The following ADRA1D variants were observed in gnomAD, a reference collection of about 807,000 sequenced individuals.
The protein encoded by ADRA1D is adrenoceptor alpha 1D, also known as alpha-1D adrenergic receptor.
Under a neutral mutation model 18.6 loss-of-function variants are expected in ADRA1D, and 22 were observed. That is an observed-to-expected ratio of 1.19 (90% CI 0.85 to 1.69). The LOEUF is 1.69. Ranked by LOEUF, ADRA1D falls within the 40% of genes most tolerant of loss-of-function variation. The pLI is 0.00. For synonymous variants in ADRA1D, 376 were observed against 388.2 expected, an observed-to-expected ratio of 0.97 and a Z score of 0.37; for missense variants, 840 against 840.7, an observed-to-expected ratio of 1.00 and a Z score of 0.01.
chr20:4,234,641 C>T (rs141056503), intron 1 of ADRA1D, among the ~76,000 whole-genome samples: 22 of 152,290 alleles, frequency 1.4e-4, no homozygotes, highest in African/African-American at 3.1e-4. Context: ...CAGCTGCTCA[C>T]GCAACGGCCC....
chr20:4,220,763 C>T lies in ADRA1D; in HGVS notation c.*760G>A, dbSNP rs1434619936. On this transcript the variant is annotated 3_prime_UTR_variant, in exon 2 of 2. Coordinates refer to ENST00000379453, the MANE Select transcript of ADRA1D (RefSeq NM_000678.4). ...GCACAGCTTGGACAAAATAGAAGTA[C>T]TCTTACCAATAAATATGTCTCAAAA... The T allele has an allele frequency of 6.6e-6, 1 of 152,436 alleles. No individual in the cohort carries two copies. Among genetic ancestry groups the T allele is most frequent in the Non-Finnish European group, 1.5e-5 (1 of 68,024 alleles). The allele number at this position is 152,436 out of a possible 1,614,324, so 9.4% of individuals were successfully genotyped here.
At chr20:4,244,311 G>A (rs917341033) in intron 1 of ADRA1D, among the ~76,000 whole-genome samples, 2 of 152,166 alleles carry the variant, frequency 1.3e-5, no homozygotes, top group Admixed American at 6.5e-5. Flanking sequence ...TCTGGTGCTC[G>A]TCACAGCTAG....
intron 1 of ADRA1D, among the ~76,000 whole-genome samples, chr20:4,236,170 T>C (rs1390825075): frequency 6.6e-6 from 1 of 152,136 alleles, no homozygotes; most frequent in Non-Finnish European, 1.5e-5. Context: ...AGTCGTTGGG[T>C]TCCAATGTCG....
intron 1 of ADRA1D, among the ~76,000 whole-genome samples, chr20:4,237,454 C>A (rs1981118030): frequency 9.6e-6 from 1 of 103,978 alleles, no homozygotes; most frequent in Non-Finnish European, 2.1e-5. Context: ...GAGACTCCAT[C>A]TCTTGAAAAA....
At chr20:4,244,724 A>G (rs986276874) in intron 1 of ADRA1D, among the ~76,000 whole-genome samples, 1 of 152,172 alleles carries the variant, frequency 6.6e-6, no homozygotes, top group Non-Finnish European at 1.5e-5. Flanking sequence ...TCCTTCCTGC[A>G]CAGCCTCCAG....
At chr20:4,230,152 C>A (rs562233563) in intron 1 of ADRA1D, among the ~76,000 whole-genome samples, 51 of 152,354 alleles carry the variant, frequency 3.3e-4, no homozygotes, top group African/African-American at 1.2e-3. Context: ...TATCCCCTAA[C>A]CCTGTGCTCC....
intron 1 of ADRA1D, among the ~76,000 whole-genome samples, chr20:4,237,843 T>TTTA (rs1981131844): frequency 1.3e-5 from 2 of 150,404 alleles, no homozygotes; most frequent in African/African-American, 4.9e-5. Flanking sequence ...TTTGTATTTA[T>TTTA]TTATTTATTT....
At chr20:4,236,555 A>T (rs1370248182) in intron 1 of ADRA1D, among the ~76,000 whole-genome samples, 1 of 152,144 alleles carries the variant, frequency 6.6e-6, no homozygotes, top group African/African-American at 2.4e-5. Flanking sequence ...GGGCAGAAGC[A>T]GAAAGGTGGG....
intron 1 of ADRA1D, among the ~76,000 whole-genome samples, chr20:4,226,450 T>C (rs1980802299): frequency 6.6e-6 from 1 of 152,264 alleles, no homozygotes. Flanking sequence ...GCCAATAAAG[T>C]GTGTTATCAA....
intron 1 of ADRA1D, among the ~76,000 whole-genome samples, chr20:4,232,924 C>T (rs1025552888): frequency 2.6e-5 from 4 of 152,238 alleles, no homozygotes; most frequent in African/African-American, 4.8e-5. Flanking sequence ...TAAGGCCAAG[C>T]TTTGCCTCAA....
rs1434762111 is a variant in ADRA1D, at chr20:4,221,714, G to C, written c.1528C>G (p.Leu510Val). 2.5e-6 allele frequency: 4 copies of C among 1,609,366 alleles called. No homozygotes were observed. Among genetic ancestry groups the C allele is most frequent in the Non-Finnish European group, 3.4e-6 (4 of 1,179,074 alleles). ...LGPFRRPTTQ[L>V]RAKVSSLSHK... ...GACAGGCTGGAGACTTTGGCGCGCA[G>C]CTGGGTCGTGGGTCTCCGGAACGGC... The change falls in exon 2 of 2, where the codon CTG (leucine) becomes GTG (valine). Residue 510 changes from leucine (L) to valine (V), a missense_variant. Physicochemically the swap from Leu to Val is conservative, Grantham distance 32. Coordinates refer to ENST00000379453, the MANE Select transcript of ADRA1D (RefSeq NM_000678.4).
chr20:4,247,683 G>C (rs1385038754), intron 1 of ADRA1D, among the ~76,000 whole-genome samples, 164 bp downstream of exon 1: 1 of 152,198 alleles, frequency 6.6e-6, no homozygotes, highest in Non-Finnish European at 1.5e-5. Context: ...CCGTTCCTTG[G>C]CACTCCACAA....
At position 4,248,044 on chromosome 20, in the gene ADRA1D, C is replaced by A; in HGVS notation, c.914G>T (p.Arg305Leu). 6.5e-7 allele frequency: 1 copy of A among 1,550,104 alleles called. No homozygotes were observed. Among genetic ancestry groups the A allele is most frequent in the Non-Finnish European group, 8.7e-7 (1 of 1,147,550 alleles). Residue 305 changes from arginine (R) to leucine (L), a missense_variant, in exon 1 of 2, where the codon CGC (arginine) becomes CTC (leucine). Coordinates refer to ENST00000379453, the MANE Select transcript of ADRA1D (RefSeq NM_000678.4). ...ERGKASEVVL[R>L]IHCRGAATGA... ...CGTGGCCGCGCCGCGACAGTGGATG[C>A]GCAGCACCACCTCGGAGGCCTTGCC...
At chr20:4,231,619 C>A (rs780033185) in intron 1 of ADRA1D, among the ~76,000 whole-genome samples, 7 of 152,150 alleles carry the variant, frequency 4.6e-5, no homozygotes, top group African/African-American at 9.7e-5. Flanking sequence ...TGTTCAGTAC[C>A]TTCTAGGCAC....
At position 4,249,153 on chromosome 20, in the gene ADRA1D, C is replaced by G; in HGVS notation, c.-196G>C. The G allele has an allele frequency of 3.8e-6, 1 of 263,302 alleles. No homozygotes were observed. Among genetic ancestry groups the G allele is most frequent in the Non-Finnish European group, 6.3e-6 (1 of 158,824 alleles). The allele number at this position is 263,302 out of a possible 1,614,324, so 16.3% of individuals were successfully genotyped here. A position where few individuals can be genotyped will look rare whatever the true frequency, so the allele number is the denominator to read the frequency against. On this transcript the variant is annotated 5_prime_UTR_variant, in exon 1 of 2. Transcript: ENST00000379453. ...CCTGGCCCGGGCGGCGGCCGGGCTC[C>G]CCGAGGCCGGCCGTGGAGTAGCACC...
In ADRA1D at chr20:4,222,134, T is replaced by TAGGG; in HGVS notation, c.1112-8_1112-5dup. The TAGGG allele has an allele frequency of 6.2e-7, 1 of 1,611,626 alleles. No individual in the cohort carries two copies. The highest frequency in any genetic ancestry group is 8.5e-7 in the Non-Finnish European group (1 of 1,179,058). The stretch of plus-strand genomic sequence containing the variant: ...TTCAGCTGCGGGAACAAGGAGCCTG[T>TAGGG]AGGGAGCAGAGACCGATACTATTTA... On this transcript the variant is annotated splice_region_variant and splice_polypyrimidine_tract_variant and intron_variant, in intron 1 of 1. Coordinates refer to ENST00000379453, the MANE Select transcript of ADRA1D (RefSeq NM_000678.4). This position sits in a 1 kb window ranked among gnomAD's most constrained non-coding sequence, Gnocchi z 4.3.
rs201419959 is a variant in ADRA1D, at chr20:4,248,175, G to A, written c.783C>T (p.Cys261=). The change falls in exon 1 of 2, where the codon TGC becomes TGT. Residue 261 remains cysteine (C), a synonymous_variant. Coordinates refer to ENST00000379453, the MANE Select transcript of ADRA1D (RefSeq NM_000678.4). ...EAGYAVFSSV[C]SFYLPMAVIV... ...TGACCGCCATGGGCAGGTAGAAGGA[G>A]CACACGGAGGAGAAGACAGCGTAGC... is the stretch of plus-strand genomic sequence containing the variant. The A allele has an allele frequency of 6.0e-5, 95 of 1,585,154 alleles. 1 individual carries two copies. The Admixed American group carries it at 1.4e-3, about 23-fold the overall frequency.
rs749263085 is a variant in ADRA1D, at chr20:4,247,963, G to C, written c.995C>G (p.Ser332Trp). 6 of 1,589,932 alleles carry C rather than the reference G, an allele frequency of 3.8e-6. No individual in the cohort carries two copies. In the South Asian group the frequency reaches 6.8e-5, roughly 18 times the overall value. Residue 332 changes from serine to tryptophan, a missense_variant, in exon 1 of 2, where the codon TCG becomes TGG. Coordinates refer to ENST00000379453, the MANE Select transcript of ADRA1D (RefSeq NM_000678.4). ...GAACTTGAGCAGGCGCACGGAGAGC[G>C]AGCTGCGGAAGGTGTGGCCCTTGGC... ...RSAKGHTFRSSLSVRLLKFSR... is the reference protein window; with the variant it reads ...RSAKGHTFRSWLSVRLLKFSR...
intron 1 of ADRA1D, among the ~76,000 whole-genome samples, chr20:4,229,127 G>A (rs1045448279): frequency 4.6e-5 from 7 of 152,144 alleles, no homozygotes; most frequent in African/African-American, 7.2e-5. Context: ...ATGTAGGAGC[G>A]CCTCATTTAG....
Sources: allele counts gnomAD v4.1 joint callset (sites outside exome capture counted in the v4.1 genomes callset), GRCh38; gene constraint gnomAD v4.1.1; non-coding constraint Gnocchi (gnomAD v3.1); transcripts MANE v1.5; gene names NCBI Gene and HGNC (gene_info 2026-07-23, HGNC 2026-07-21).